The following ALKBH5 variants were observed in gnomAD, a reference collection of about 807,000 sequenced individuals.
ALKBH5 encodes alkB homolog 5, RNA demethylase.
A neutral mutation model predicts 32.1 loss-of-function variants in ALKBH5; 2 were observed. That is an observed-to-expected ratio of 0.06 (90% confidence interval 0.03 to 0.20). The LOEUF (loss-of-function observed/expected upper bound fraction) is 0.20, where lower values mean the gene tolerates loss of function less well. Among genes scored for constraint, ALKBH5 ranks in the 10% least tolerant of loss-of-function variants. The pLI, the probability that ALKBH5 is intolerant of heterozygous loss-of-function variation, is 1.00. For synonymous variants in ALKBH5, 300 were observed against 231.7 expected (o/e 1.29, Z -2.68); for missense variants, 352 against 559.5 (o/e 0.63, Z 3.74).
At chr17:18,189,740 T>C (rs1295142788) in intron 1 of ALKBH5, among the ~76,000 whole-genome samples, 1 of 152,230 alleles carries the variant, frequency 6.6e-6, no homozygotes, top group Non-Finnish European at 1.5e-5. Flanking sequence ...AATGATGCTA[T>C]AGAGTTGTTA....
chr17:18,197,516 C>T (rs534607218), intron 2 of ALKBH5, among the ~76,000 whole-genome samples: 1 of 152,218 alleles, frequency 6.6e-6, no homozygotes, highest in Non-Finnish European at 1.5e-5. Flanking sequence ...AAGAGTTCCT[C>T]TCATCTTCCC....
At chr17:18,208,154 C>G in intron 3 of ALKBH5, 65 bp from the exon 4 acceptor site, 1 of 1,518,768 alleles carries the variant, frequency 6.6e-7, no homozygotes, top group Non-Finnish European at 8.9e-7. Context: ...AGACGAGGTA[C>G]AGCGGTAAAG....
At chr17:18,195,170 T>C in intron 2 of ALKBH5, 135 bp downstream of exon 2, 1 of 655,126 alleles carries the variant, frequency 1.5e-6, no homozygotes, top group Non-Finnish European at 2.6e-6. Flanking sequence ...AAGTTCTCTT[T>C]TTATTTGAAT....
chr17:18,184,271 C>G lies in ALKBH5; in HGVS notation c.28C>G (p.Leu10Val). The G allele has an allele frequency of 6.6e-7, 1 of 1,524,090 alleles. No homozygotes were observed. The highest frequency in any genetic ancestry group is 8.8e-7 in the Non-Finnish European group (1 of 1,139,470). 94.4% of individuals were successfully genotyped at this position (1,524,090 alleles called of 1,614,324 possible). Residue 10 changes from leucine (L) to valine (V), a missense_variant, in exon 1 of 4, where the codon CTG becomes GTG. Leu to Val is a conservative substitution (Grantham distance 32). Coordinates refer to ENST00000399138, the MANE Select transcript of ALKBH5 (RefSeq NM_017758.4). ...GGCGGCCGCCAGCGGCTACACGGAC[C>G]TGCGTGAGAAGCTCAAGTCCATGAC... Reference protein sequence around the residue: MAAASGYTDLREKLKSMTSR... With the variant: MAAASGYTDVREKLKSMTSR...
intron 1 of ALKBH5, among the ~76,000 whole-genome samples, chr17:18,191,425 G>T (rs538532624): frequency 2.0e-5 from 3 of 152,320 alleles, no homozygotes; most frequent in African/African-American, 7.2e-5. Context: ...GGGCTCCGTG[G>T]CAGGAACCTG....
At chr17:18,191,486 C>T (rs1036041324) in intron 1 of ALKBH5, among the ~76,000 whole-genome samples, 10 of 152,292 alleles carry the variant, frequency 6.6e-5, no homozygotes, top group Admixed American at 6.5e-4. Context: ...GGTCAGGGAG[C>T]ATGCGGGCAG....
At position 18,184,972 on chromosome 17, in the gene ALKBH5, G is replaced by C; in HGVS notation, c.729G>C (p.Val243=). The C allele has an allele frequency of 6.2e-7, 1 of 1,613,076 alleles. No individual in the cohort carries two copies. Among genetic ancestry groups the C allele is most frequent in the Non-Finnish European group, 8.5e-7 (1 of 1,179,926 alleles). Residue 243 remains valine (V), a synonymous_variant, in exon 1 of 4, where the codon GTG becomes GTC. Coordinates refer to ENST00000399138, the MANE Select transcript of ALKBH5 (RefSeq NM_017758.4). ...QFKPIRVSEP[V]LSLPVRRGSV... ...AGCCTATTCGGGTGTCGGAACCAGT[G>C]CTTTCCCTGCCGGTGCGCAGGGGAA...
intron 1 of ALKBH5, among the ~76,000 whole-genome samples, chr17:18,192,383 GC>G (rs1369344829): frequency 3.9e-5 from 6 of 152,188 alleles, no homozygotes; most frequent in African/African-American, 1.4e-4. Context: ...AAGGGAGGAG[GC>G]CCCGTTTTTA....
Position 18,208,317 on chromosome 17 carries a change from G to A in ALKBH5, c.1106G>A (p.Arg369His), listed in dbSNP as rs1567678122. Residue 369 changes from arginine to histidine, a missense_variant, in exon 4 of 4, where the codon CGC becomes CAC. By Grantham distance (29) the Arg-to-His change is conservative. Transcript: ENST00000399138. ...RGSFSSENYW[R>H]KSYESSEDCS... Reference sequence around the variant, plus strand: ...AGCTTCAGCTCTGAGAACTACTGGCGCAAGTCATACGAGTCCTCAGAGGAC... The same window carrying A: ...AGCTTCAGCTCTGAGAACTACTGGCACAAGTCATACGAGTCCTCAGAGGAC... 5 of 1,614,068 alleles carry A rather than the reference G, an allele frequency of 3.1e-6. No homozygotes were observed. The highest frequency in any genetic ancestry group is 4.2e-6 in the Non-Finnish European group (5 of 1,180,026).
chr17:18,204,431 A>G (rs1319950072), intron 2 of ALKBH5, among the ~76,000 whole-genome samples: 4 of 147,106 alleles, frequency 2.7e-5, no homozygotes, highest in Non-Finnish European at 4.5e-5. Flanking sequence ...ACCCTGGACA[A>G]CAAGAGTAAA....
rs1316795316 is a variant in ALKBH5, at chr17:18,183,999, C to T, written c.-245C>T. 2 of 658,410 alleles carry T rather than the reference C, an allele frequency of 3.0e-6. No individual in the cohort carries two copies. Among genetic ancestry groups the T allele is most frequent in the Admixed American group, 2.1e-5 (1 of 48,026 alleles). 40.8% of individuals were successfully genotyped at this position (658,410 alleles called of 1,614,324 possible). On this transcript the variant is annotated 5_prime_UTR_variant, in exon 1 of 4. Transcript: ENST00000399138. ...TGAGGCGCTGCCGGCGCCCCTGCCC[C>T]GCGGGACGTGGAGAAGGTGGAGGAG...
chr17:18,197,279 A>G (rs2047209680), intron 2 of ALKBH5, among the ~76,000 whole-genome samples: 1 of 152,216 alleles, frequency 6.6e-6, no homozygotes, highest in South Asian at 2.1e-4. Flanking sequence ...GAGGAAGGGA[A>G]GAGTTTTTAT....
intron 1 of ALKBH5, among the ~76,000 whole-genome samples, chr17:18,185,602 C>T (rs1027516623): frequency 1.3e-5 from 2 of 152,192 alleles, no homozygotes; most frequent in Admixed American, 1.3e-4. Context: ...TAAAATTCTT[C>T]CCTCCTGGCT....
chr17:18,204,249 C>A (rs1404985981), intron 2 of ALKBH5, among the ~76,000 whole-genome samples: 1 of 151,662 alleles, frequency 6.6e-6, no homozygotes, highest in African/African-American at 2.4e-5. Flanking sequence ...GTCGGGAGTT[C>A]AAGACCAGCC....
At chr17:18,191,046 C>T (rs1423274428) in intron 1 of ALKBH5, among the ~76,000 whole-genome samples, 1 of 152,180 alleles carries the variant, frequency 6.6e-6, no homozygotes, top group Non-Finnish European at 1.5e-5. Flanking sequence ...AACAAAAAAG[C>T]AGGAGGTCCT....
At chr17:18,206,410 G>A (rs1397727753) in intron 2 of ALKBH5, among the ~76,000 whole-genome samples, 5 of 152,126 alleles carry the variant, frequency 3.3e-5, no homozygotes, top group Non-Finnish European at 7.4e-5. Context: ...CCTGGACCAG[G>A]GATCCTTCCT....
At chr17:18,185,367 C>T (rs2047132029) in intron 1 of ALKBH5, among the ~76,000 whole-genome samples, 1 of 151,146 alleles carries the variant, frequency 6.6e-6, no homozygotes, top group East Asian at 1.9e-4. Context: ...TCCATTCTGG[C>T]CTTCCATTTA....
intron 1 of ALKBH5, among the ~76,000 whole-genome samples, 196 bp from the exon 2 acceptor site, chr17:18,194,759 T>G (rs776716472): frequency 1.9e-4 from 29 of 152,320 alleles, no homozygotes; most frequent in Non-Finnish European, 4.0e-4. Context: ...GGTTTTTCCT[T>G]GAGTATTACA....
intron 2 of ALKBH5, among the ~76,000 whole-genome samples, chr17:18,201,849 TTG>T (rs2047243062): frequency 4.0e-5 from 3 of 74,154 alleles, no homozygotes; most frequent in Admixed American, 1.2e-4. Flanking sequence ...GATAGATAGA[TTG>T]ATTGATTGAT....
Sources: allele counts gnomAD v4.1 joint callset (sites outside exome capture counted in the v4.1 genomes callset), GRCh38; gene constraint gnomAD v4.1.1; transcripts MANE v1.5; gene names NCBI Gene and HGNC (gene_info 2026-07-23, HGNC 2026-07-21).